The following MPHOSPH9 variants were observed in gnomAD, a reference collection of about 807,000 sequenced individuals.
MPHOSPH9 encodes M-phase phosphoprotein 9.
Under a neutral mutation model 145.5 loss-of-function variants are expected in MPHOSPH9, and 88 were observed. That is an observed-to-expected ratio of 0.60 (90% CI 0.51 to 0.72). The LOEUF is 0.72. Ranked by LOEUF, MPHOSPH9 falls within the 30% of genes least tolerant of loss-of-function variation. MPHOSPH9 has a pLI of 0.00. For missense variants in MPHOSPH9, 1,238 were observed against 1,386.6 expected (o/e 0.89, Z 1.70); for synonymous variants, 435 against 486.2 (o/e 0.89, Z 1.39).
intron 15 of MPHOSPH9, among the ~76,000 whole-genome samples, chr12:123,179,724 A>AG (rs1173326940): frequency 6.6e-6 from 1 of 151,640 alleles, no homozygotes; most frequent in Non-Finnish European, 1.5e-5. Context: ...TTTAAAAAAA[A>AG]AAAAAAAAAA....
intron 16 of MPHOSPH9, among the ~76,000 whole-genome samples, chr12:123,174,756 G>A (rs1309877751): frequency 1.3e-5 from 2 of 152,090 alleles, no homozygotes; most frequent in Non-Finnish European, 2.9e-5. Flanking sequence ...TTTCCACTTA[G>A]AATCGATATG....
At chr12:123,207,995 C>T (rs964295467) in intron 8 of MPHOSPH9, among the ~76,000 whole-genome samples, 10 of 151,432 alleles carry the variant, frequency 6.6e-5, no homozygotes, top group Admixed American at 5.9e-4. Flanking sequence ...TCCCAGCACT[C>T]TGGGAGGCTG....
rs759585307 is a variant in MPHOSPH9, at chr12:123,165,388, G to C, written c.2681C>G (p.Pro894Arg). ...AAGTTCTTTTAAAGCTCTCATGATC[G>C]GCGTGTCTGAAGTCTCTCTTTGCTT... ...IKKQRETSDT[P>R]IMRALKELDE... Residue 894 changes from proline to arginine, a missense_variant, in exon 18 of 24, where the codon CCG (proline) becomes CGG (arginine). Physicochemically the swap from Pro to Arg is moderately radical, Grantham distance 103 (BLOSUM62 -2). This residue lies in a region of MPHOSPH9 where 393 missense variants were observed against 462.5 expected (regional missense o/e 0.85). Coordinates refer to ENST00000606320, the MANE Select transcript of MPHOSPH9 (RefSeq NM_022782.4). 6.2e-7 allele frequency: 1 copy of C among 1,613,418 alleles called. No individual in the cohort carries two copies.
intron 6 of MPHOSPH9, among the ~76,000 whole-genome samples, chr12:123,218,091 C>T (rs1246023043): frequency 1.3e-5 from 2 of 150,832 alleles, no homozygotes; most frequent in Admixed American, 1.3e-4. Context: ...CACGACTGTA[C>T]CACCATGTAC....
chr12:123,175,211 C>T (rs2044788033), intron 16 of MPHOSPH9, among the ~76,000 whole-genome samples: 1 of 151,344 alleles, frequency 6.6e-6, no homozygotes, highest in Non-Finnish European at 1.5e-5. Flanking sequence ...AGTGCAGTGG[C>T]GCAATCTCGA....
intron 12 of MPHOSPH9, among the ~76,000 whole-genome samples, chr12:123,196,028 C>T (rs1457773938): frequency 2.0e-5 from 3 of 150,420 alleles, no homozygotes; most frequent in East Asian, 2.0e-4. Context: ...GAGTGAGACC[C>T]TGTCTCAAAA....
intron 2 of MPHOSPH9, among the ~76,000 whole-genome samples, chr12:123,228,389 T>A (rs1235287486): frequency 6.6e-6 from 1 of 151,944 alleles, no homozygotes; most frequent in Non-Finnish European, 1.5e-5. Context: ...AGTGAAAATA[T>A]TACTAAAAAT....
intron 23 of MPHOSPH9, chr12:123,160,474 A>G (rs1349434500): frequency 1.0e-5 from 3 of 289,130 alleles, no homozygotes; most frequent in Non-Finnish European, 1.9e-5. Flanking sequence ...ATCTGTGAGC[A>G]CTAACTTAGT....
intron 13 of MPHOSPH9, among the ~76,000 whole-genome samples, chr12:123,189,481 C>T (rs1010488422): frequency 6.6e-6 from 1 of 152,062 alleles, no homozygotes; most frequent in African/African-American, 2.4e-5. Context: ...TAGCATTGCT[C>T]CTAACAGCAA....
chr12:123,152,969 T>G, downstream of MPHOSPH9: 1 of 159,256 alleles, frequency 6.3e-6, no homozygotes, highest in East Asian at 1.8e-4. Context: ...AGTGTCTAAT[T>G]TTACTACATA....
intron 23 of MPHOSPH9, 129 bp from the exon 24 acceptor site, chr12:123,157,037 C>A: frequency 1.8e-6 from 1 of 558,844 alleles, no homozygotes; most frequent in South Asian, 3.1e-5. Context: ...TTGCTTTCTA[C>A]ACGAAACATC....
At position 123,166,709 on chromosome 12, in the gene MPHOSPH9, A is replaced by T. The variant is rs2044337050; in HGVS notation, c.2537T>A (p.Leu846Gln). Residue 846 changes from leucine (L) to glutamine (Q), a missense_variant, in exon 17 of 24, where the codon CTG (leucine) becomes CAG (glutamine). By Grantham distance (113) the Leu-to-Gln change is moderately radical (BLOSUM62 -2). This residue lies in a region of MPHOSPH9 where 393 missense variants were observed against 462.5 expected (regional missense o/e 0.85). Coordinates refer to ENST00000606320, the MANE Select transcript of MPHOSPH9 (RefSeq NM_022782.4). ...AEYSIFTGQP[L>Q]DTQDSNVDNQ... is the part of the protein sequence containing the mutation. ...ATCCACGTTACTGTCCTGGGTGTCC[A>T]GAGGCTGGCCAGTAAAGATGGAATA... The T allele has an allele frequency of 6.2e-7, 1 of 1,614,090 alleles. No homozygotes were observed.
chr12:123,187,416 G>A (rs919475777), intron 13 of MPHOSPH9, among the ~76,000 whole-genome samples: 5 of 152,010 alleles, frequency 3.3e-5, no homozygotes, highest in Admixed American at 6.6e-5. Context: ...GTTCATGTAT[G>A]GGAAGAATCA....
At chr12:123,237,791 T>C (rs1334986160), upstream of MPHOSPH9, among the ~76,000 whole-genome samples, 1 of 152,232 alleles carries the variant, frequency 6.6e-6, no homozygotes, top group Non-Finnish European at 1.5e-5. Context: ...GTTTCAGCCC[T>C]TAAGGATTTC....
chr12:123,234,607 G>C, upstream of MPHOSPH9, among the ~76,000 whole-genome samples: 1 of 151,916 alleles, frequency 6.6e-6, no homozygotes, highest in East Asian at 1.9e-4. Flanking sequence ...ATATTGGCCA[G>C]GCTGGTCTCG....
At chr12:123,182,142 T>A (rs1362848810) in intron 13 of MPHOSPH9, among the ~76,000 whole-genome samples, 12 of 151,350 alleles carry the variant, frequency 7.9e-5, no homozygotes. Context: ...GGTTTCACCA[T>A]GTTGGCCAGG....
At chr12:123,224,163 CTTGCTCTGT>C (rs1281094661) in intron 3 of MPHOSPH9, among the ~76,000 whole-genome samples, 11 of 114,336 alleles carry the variant, frequency 9.6e-5, no homozygotes, top group Non-Finnish European at 1.7e-4. Context: ...GAGACAGAGT[CTTGCTCTGT>C]CGCCCAGACT....
Position 123,226,339 on chromosome 12 carries a change from C to T in MPHOSPH9, c.258+1124G>A, listed in dbSNP as rs998981657. 33 of 1,175,678 alleles carry T rather than the reference C, an allele frequency of 2.8e-5. No individual in the cohort carries two copies. In the African/African-American group the frequency reaches 4.8e-4, roughly 17 times the overall value. The allele number at this position is 1,175,678 out of a possible 1,614,324, so 72.8% of individuals were successfully genotyped here. A position where few individuals can be genotyped will look rare whatever the true frequency, so the allele number is the denominator to read the frequency against. On this transcript the variant is annotated intron_variant, in intron 3 of 23. Coordinates refer to ENST00000606320, the MANE Select transcript of MPHOSPH9 (RefSeq NM_022782.4). The stretch of plus-strand genomic sequence containing the variant: ...TTAAACCAGGTAATCTTTCATTTCG[C>T]TTACTCTACATTCTGAAAAATAACA...
Position 123,221,677 on chromosome 12 carries a change from A to C in MPHOSPH9, c.567T>G (p.Asn189Lys). Residue 189 changes from asparagine to lysine, a missense_variant, in exon 5 of 24, where the codon AAT (asparagine) becomes AAG (lysine). Transcript: ENST00000606320. ...CACTGCTTACTGAGCAACTATCCAC[A>C]TTGCAGTCTGGTTGTGACGTGGACA... ...QEMSTSQPDC[N>K]VDSCSVSSGY... The C allele has an allele frequency of 6.2e-7, 1 of 1,614,054 alleles. No homozygotes were observed. The highest frequency in any genetic ancestry group is 8.5e-7 in the Non-Finnish European group (1 of 1,179,970).
Sources: gnomAD v4.1 joint callset for allele counts (sites outside exome capture counted in the v4.1 genomes callset) on GRCh38, gnomAD v4.1.1 for gene constraint, gnomAD v4.1.1 regional missense constraint, MANE v1.5 for transcripts, NCBI Gene and HGNC (gene_info 2026-07-23, HGNC 2026-07-21) for gene names.